Variants in ST6GALNAC3 observed in about 807,000 individuals in gnomAD.
The protein encoded by ST6GALNAC3 is ST6 N-acetylgalactosaminide alpha-2,6-sialyltransferase 3, also known as alpha-N-acetylgalactosaminide alpha-2,6-sialyltransferase 3.
In ST6GALNAC3, 25 loss-of-function variants were observed where a neutral mutation model predicts 32.7. The observed-to-expected ratio is 0.76, with a 90% confidence interval of 0.56 to 1.07. The LOEUF is 1.07. ST6GALNAC3 is among the 50% of genes least tolerant of loss of function. ST6GALNAC3 has a pLI of 0.00. For synonymous variants in ST6GALNAC3, 129 were observed against 133.1 expected (o/e 0.97, Z 0.21); for missense variants, 355 against 382.4 (o/e 0.93, Z 0.60).
chr1:76,356,219 A>C (rs1262180929), intron 2 of ST6GALNAC3, among the ~76,000 whole-genome samples: 1 of 152,014 alleles, frequency 6.6e-6, no homozygotes, highest in African/African-American at 2.4e-5. Context: ...TATCTCCTGG[A>C]TATTTCTTGA....
At chr1:76,428,489 G>T (rs908913157) in intron 3 of ST6GALNAC3, among the ~76,000 whole-genome samples, 1 of 152,038 alleles carries the variant, frequency 6.6e-6, no homozygotes, top group African/African-American at 2.4e-5. Context: ...GGCGTGTGCT[G>T]AATGAGCCTA....
intron 1 of ST6GALNAC3, among the ~76,000 whole-genome samples, chr1:76,280,736 A>T (rs1254597841): frequency 6.6e-6 from 1 of 152,224 alleles, no homozygotes; most frequent in Non-Finnish European, 1.5e-5. Context: ...CAAATCTCAG[A>T]TTCGTCATTT....
At chr1:76,592,139 T>C (rs1647057822) in intron 3 of ST6GALNAC3, among the ~76,000 whole-genome samples, 1 of 151,952 alleles carries the variant, frequency 6.6e-6, no homozygotes, top group Non-Finnish European at 1.5e-5. Context: ...ATAATCAGCT[T>C]TGCTTTATAG....
intron 3 of ST6GALNAC3, among the ~76,000 whole-genome samples, chr1:76,533,794 C>T (rs1486816807): frequency 6.6e-6 from 1 of 152,164 alleles, no homozygotes; most frequent in Non-Finnish European, 1.5e-5. Flanking sequence ...AATCATGACA[C>T]ATTTTCATCA....
At chr1:76,342,819 G>T (rs574664171) in intron 2 of ST6GALNAC3, among the ~76,000 whole-genome samples, 1 of 151,956 alleles carries the variant, frequency 6.6e-6, no homozygotes, top group Admixed American at 6.6e-5. Context: ...CATCTCTGAT[G>T]ATTAGCAATG....
intron 1 of ST6GALNAC3, among the ~76,000 whole-genome samples, chr1:76,112,143 A>G (rs55811644): frequency 0.61 from 70,472 of 114,756 alleles, 21,933 homozygotes; most frequent in Admixed American, 0.67. Flanking sequence ...CCTCCCGGAC[A>G]GGGCGGCTGG....
intron 1 of ST6GALNAC3, among the ~76,000 whole-genome samples, chr1:76,189,185 T>C (rs551268467): frequency 6.7e-4 from 102 of 152,350 alleles, no homozygotes; most frequent in African/African-American, 2.4e-3. Context: ...TGCAGGGCTG[T>C]ATGGTCTCAC....
intron 3 of ST6GALNAC3, among the ~76,000 whole-genome samples, chr1:76,605,551 A>C (rs1448025866): frequency 6.6e-6 from 1 of 152,026 alleles, no homozygotes; most frequent in Non-Finnish European, 1.5e-5. Context: ...CAAGAAAAAA[A>C]AACAAACAAC....
Position 76,630,601 on chromosome 1 carries a change from A to G in ST6GALNAC3, c.*1795A>G. ...AAGTAATGATACATTTCACTTCAGA[A>G]GCACTTGTAGGTCTTTACTAGTGCT... On this transcript the variant is annotated 3_prime_UTR_variant, in exon 5 of 5. Transcript: ENST00000328299. 1.0e-6 allele frequency: 1 copy of G among 985,636 alleles called. No homozygotes were observed. Among genetic ancestry groups the G allele is most frequent in the Non-Finnish European group, 1.2e-6 (1 of 829,844 alleles). The allele number at this position is 985,636 out of a possible 1,614,324, so 61.1% of individuals were successfully genotyped here. A position where few individuals can be genotyped will look rare whatever the true frequency, so the allele number is the denominator to read the frequency against.
chr1:76,586,271 T>C (rs1185833549), intron 3 of ST6GALNAC3, among the ~76,000 whole-genome samples: 1 of 152,212 alleles, frequency 6.6e-6, no homozygotes, highest in Non-Finnish European at 1.5e-5. Context: ...GGACTTTAAA[T>C]CCATGGACCT....
intron 2 of ST6GALNAC3, among the ~76,000 whole-genome samples, chr1:76,345,786 G>A (rs1313114508): frequency 6.6e-6 from 1 of 152,032 alleles, no homozygotes; most frequent in African/African-American, 2.4e-5. Context: ...AGCTCAGACA[G>A]TATGCCCCTC....
chr1:76,308,036 C>A, intron 1 of ST6GALNAC3: 1 of 345,442 alleles, frequency 2.9e-6, no homozygotes, highest in Non-Finnish European at 6.0e-6. Flanking sequence ...TCAGACTTGC[C>A]CAAAATGAAG....
intron 3 of ST6GALNAC3, among the ~76,000 whole-genome samples, chr1:76,441,490 T>A (rs946198109): frequency 1.3e-5 from 2 of 152,110 alleles, no homozygotes; most frequent in African/African-American, 4.8e-5. Context: ...TTTTAATTTT[T>A]ATGGAGAGAT....
At chr1:76,432,017 C>A (rs1655792574) in intron 3 of ST6GALNAC3, among the ~76,000 whole-genome samples, 1 of 152,146 alleles carries the variant, frequency 6.6e-6, no homozygotes, top group African/African-American at 2.4e-5. Flanking sequence ...CCCTAACAAC[C>A]AATAATCTTT....
Position 76,248,166 on chromosome 1 carries a change from T to C in ST6GALNAC3, c.19-65639T>C, listed in dbSNP as rs74092728. On this transcript the variant is annotated intron_variant, in intron 1 of 4. Coordinates refer to ENST00000328299, the MANE Select transcript of ST6GALNAC3 (RefSeq NM_152996.4). ...CACTGCCTAACCAGACCCATTGAGA[T>C]GAACTGGGTACCTCAACTGGAAATG... 7.8e-3 allele frequency among the ~76,000 whole-genome samples: 1,193 copies of C among 152,232 alleles called. 16 individuals carry two copies. The highest frequency in any genetic ancestry group is 0.027 in the African/African-American group (1,135 of 41,548).
chr1:76,600,087 T>TA (rs1284558355), intron 3 of ST6GALNAC3, among the ~76,000 whole-genome samples: 1 of 151,976 alleles, frequency 6.6e-6, no homozygotes, highest in East Asian at 1.9e-4. Flanking sequence ...CTTTGGGAGG[T>TA]AATTAGGATT....
At chr1:76,316,624 G>T (rs1026919789) in intron 2 of ST6GALNAC3, among the ~76,000 whole-genome samples, 2 of 151,962 alleles carry the variant, frequency 1.3e-5, no homozygotes, top group Non-Finnish European at 2.9e-5. Context: ...ATGAAAGGGG[G>T]TCTAGCGGTT....
At chr1:76,108,691 A>C (rs1207220901) in intron 1 of ST6GALNAC3, among the ~76,000 whole-genome samples, 1 of 152,228 alleles carries the variant, frequency 6.6e-6, no homozygotes, top group East Asian at 1.9e-4. Flanking sequence ...AAGGGTCTCT[A>C]AACTATTTTA....
At chr1:76,257,589 T>C (rs191411720) in intron 1 of ST6GALNAC3, among the ~76,000 whole-genome samples, 2 of 152,262 alleles carry the variant, frequency 1.3e-5, no homozygotes, top group Non-Finnish European at 2.9e-5. Flanking sequence ...TCAGTAATAG[T>C]AGCTTCTCTT....
Sources: gnomAD v4.1 joint callset for allele counts (sites outside exome capture counted in the v4.1 genomes callset) on GRCh38, gnomAD v4.1.1 for gene constraint, MANE v1.5 for transcripts, NCBI Gene and HGNC (gene_info 2026-07-23, HGNC 2026-07-21) for gene names.